PTPRA: variants seen among roughly 807,000 people sequenced by gnomAD.
The protein encoded by PTPRA is protein tyrosine phosphatase receptor type A.
In PTPRA, 25 loss-of-function variants were observed where a neutral mutation model predicts 104.8. The ratio of observed to expected loss-of-function variants is 0.24; its 90% confidence interval spans 0.17 to 0.33. PTPRA has a LOEUF of 0.33. PTPRA is among the 10% of genes least tolerant of loss of function. The probability of loss-of-function intolerance (pLI) is 1.00; values close to 1 mark genes in which losing one functional copy is unlikely to be tolerated. For missense variants in PTPRA, 765 were observed against 1,015.3 expected (o/e 0.75, Z 3.35); for synonymous variants, 323 against 368.9 (o/e 0.88, Z 1.43).
At chr20:2,915,727 C>T (rs1302690819) in intron 1 of PTPRA, among the ~76,000 whole-genome samples, 1 of 152,162 alleles carries the variant, frequency 6.6e-6, no homozygotes, top group Non-Finnish European at 1.5e-5. Flanking sequence ...GTGGCTCATG[C>T]CTGTAATCCT....
intron 2 of PTPRA, among the ~76,000 whole-genome samples, chr20:2,940,570 C>CT (rs1222239713): frequency 1.3e-5 from 2 of 151,732 alleles, no homozygotes; most frequent in Non-Finnish European, 2.9e-5. Flanking sequence ...ATAGGTTTTC[C>CT]TTTTTTTTGG....
chr20:3,013,419 A>AT (rs11475407), intron 11 of PTPRA, among the ~76,000 whole-genome samples: 2,398 of 144,826 alleles, frequency 0.017, 42 homozygotes, highest in African/African-American at 0.053. Context: ...AATATATAGG[A>AT]TTTTTTTTTT....
At chr20:2,939,149 T>G (rs2060812283) in intron 2 of PTPRA, among the ~76,000 whole-genome samples, 1 of 152,210 alleles carries the variant, frequency 6.6e-6, no homozygotes. Flanking sequence ...TAGGTGTTAT[T>G]CCGGAGCAGT....
rs199906526 is a variant in PTPRA, at chr20:3,022,207, G to A, written c.1315G>A (p.Val439Met). Residue 439 changes from valine to methionine, a missense_variant, in exon 15 of 24, where the codon GTG (valine) becomes ATG (methionine). By Grantham distance (21) the Val-to-Met change is conservative (BLOSUM62 1). Coordinates refer to ENST00000399903, the MANE Select transcript of PTPRA (RefSeq NM_001385305.1). The surrounding 1 kb of genome is among the most constrained non-coding windows in gnomAD (Gnocchi z 4.6). The stretch of plus-strand genomic sequence containing the variant: ...TAACCCTCAGTATGCAGGGGCCATC[G>A]TGGTCCACTGCAGGTCAGTGTGGCC... ...ACNPQYAGAIVVHCSAGVGRT... is the reference protein window; with the variant it reads ...ACNPQYAGAIMVHCSAGVGRT... 6.2e-6 allele frequency: 10 copies of A among 1,614,160 alleles called. No individual in the cohort carries two copies. The highest frequency in any genetic ancestry group is 4.5e-5 in the East Asian group (2 of 44,888).
intron 11 of PTPRA, among the ~76,000 whole-genome samples, chr20:3,014,723 T>C (rs1363797841): frequency 6.6e-6 from 1 of 152,196 alleles, no homozygotes; most frequent in East Asian, 1.9e-4. Flanking sequence ...GTAGTTCACA[T>C]TGCCACCCTG....
intron 20 of PTPRA, among the ~76,000 whole-genome samples, chr20:3,032,634 T>TGG (rs1181837120): frequency 4.6e-5 from 7 of 151,680 alleles, no homozygotes; most frequent in Non-Finnish European, 5.9e-5. Flanking sequence ...GGCGCGATGG[T>TGG]GCATGCCTGT....
chr20:2,919,699 G>C (rs986579254), intron 1 of PTPRA, among the ~76,000 whole-genome samples: 3 of 111,804 alleles, frequency 2.7e-5, no homozygotes, highest in Admixed American at 1.7e-4. Flanking sequence ...ACTCTCAGCT[G>C]GGGGAGGCCA....
upstream of PTPRA, among the ~76,000 whole-genome samples, chr20:2,872,856 G>A (rs2089463393): frequency 6.6e-6 from 1 of 152,234 alleles, no homozygotes; most frequent in South Asian, 2.1e-4. The surrounding 1 kb of genome is among the most constrained non-coding windows in gnomAD (Gnocchi z 7.9). Flanking sequence ...AGCACCATGT[G>A]TTGTGCTTCT....
rs561136657 is a variant in PTPRA at position 2,950,223 on chromosome 20, G to C, written c.-7+2199G>C. Among the ~76,000 whole-genome samples, 7 of 151,804 alleles carry C rather than the reference G, an allele frequency of 4.6e-5. No homozygotes were observed. The highest frequency in any genetic ancestry group is 1.7e-4 in the African/African-American group (7 of 41,380). On this transcript the variant is annotated intron_variant, in intron 3 of 23. Coordinates refer to ENST00000399903, the MANE Select transcript of PTPRA (RefSeq NM_001385305.1). This position sits in a 1 kb window ranked among gnomAD's most constrained non-coding sequence, Gnocchi z 4.0. ...ATATTCAGGTCTTTTGTTCTTCCTG[G>C]GCTAGTTTTTTATTCTTTTTCTAGA...
chr20:2,931,925 G>A (rs1054438445), intron 2 of PTPRA, among the ~76,000 whole-genome samples: 7 of 152,138 alleles, frequency 4.6e-5, no homozygotes, highest in Non-Finnish European at 2.9e-5. Context: ...GCTTTTCAAT[G>A]GAAGTCTGTT....
intron 2 of PTPRA, among the ~76,000 whole-genome samples, chr20:2,926,620 T>C (rs989142270): frequency 6.6e-6 from 1 of 152,098 alleles, no homozygotes; most frequent in African/African-American, 2.4e-5. Flanking sequence ...TCAGTCTGGG[T>C]GACAGAACAA....
rs1219728781 is a variant in PTPRA at position 2,950,254 on chromosome 20, G to A, written c.-7+2230G>A. 6.6e-6 allele frequency among the ~76,000 whole-genome samples: 1 copy of A among 151,926 alleles called. No homozygotes were observed. The highest frequency in any genetic ancestry group is 1.5e-5 in the Non-Finnish European group (1 of 67,990). On this transcript the variant is annotated intron_variant, in intron 3 of 23. Transcript: ENST00000399903. This position sits in a 1 kb window ranked among gnomAD's most constrained non-coding sequence, Gnocchi z 4.0. ...TTTTTTATTCTTTTTCTAGAGATTC[G>A]TTCATTTTTCTTAGTTTTATTTGCC...
intron 1 of PTPRA, among the ~76,000 whole-genome samples, chr20:2,874,007 C>CAT (rs982877304): frequency 6.6e-6 from 1 of 152,230 alleles, no homozygotes; most frequent in Non-Finnish European, 1.5e-5. Context: ...AGGAACTTTG[C>CAT]ATGCGTCCTT....
intron 9 of PTPRA, among the ~76,000 whole-genome samples, chr20:3,000,480 T>C (rs1425518659): frequency 6.6e-6 from 1 of 152,210 alleles, no homozygotes; most frequent in Non-Finnish European, 1.5e-5. Context: ...ACTACATTGC[T>C]GGTGGGAGTA....
At chr20:2,941,819 G>C (rs549421276) in intron 2 of PTPRA, among the ~76,000 whole-genome samples, 1 of 152,082 alleles carries the variant, frequency 6.6e-6, no homozygotes, top group Non-Finnish European at 1.5e-5. Flanking sequence ...CCTGATTCCT[G>C]TTCATCTTCT....
chr20:2,934,669 CTTTTTTTTTTTT>C (rs756152103), intron 2 of PTPRA, among the ~76,000 whole-genome samples: 1 of 127,204 alleles, frequency 7.9e-6, no homozygotes, highest in Non-Finnish European at 1.6e-5. Flanking sequence ...CAATTAGAAC[CTTTTTTTTTTTT>C]TTTTTTTTTG....
At chr20:2,994,035 G>A (rs1049564110) in intron 9 of PTPRA, among the ~76,000 whole-genome samples, 1 of 152,190 alleles carries the variant, frequency 6.6e-6, no homozygotes, top group African/African-American at 2.4e-5. Flanking sequence ...GCCTGCAAAG[G>A]CTCCGTTCTA....
At chr20:2,927,902 C>T (rs1198505849) in intron 2 of PTPRA, among the ~76,000 whole-genome samples, 3 of 151,594 alleles carry the variant, frequency 2.0e-5, no homozygotes, top group East Asian at 1.9e-4. Context: ...CCTAGCTAGT[C>T]GGGAGGCTGA....
In PTPRA at chr20:3,022,937, G is replaced by A. The variant is rs554115575; in HGVS notation, c.1464+113G>A. The stretch of plus-strand genomic sequence containing the variant: ...ATTGTAAATGATTACTATAGAGTGT[G>A]ATTGTGGGGGAAAGAAAGATAGATC... On this transcript the variant is annotated intron_variant, in intron 16 of 23. Transcript: ENST00000399903. The surrounding 1 kb of genome is among the most constrained non-coding windows in gnomAD (Gnocchi z 4.6). 2.0e-6 allele frequency: 3 copies of A among 1,474,702 alleles called. No individual in the cohort carries two copies. The East Asian group carries it at 7.3e-5, about 36-fold the overall frequency. The allele number at this position is 1,474,702 out of a possible 1,614,324, so 91.4% of individuals were successfully genotyped here.
Sources: allele counts gnomAD v4.1 joint callset (sites outside exome capture counted in the v4.1 genomes callset), GRCh38; gene constraint gnomAD v4.1.1; non-coding constraint Gnocchi (gnomAD v3.1); transcripts MANE v1.5; gene names NCBI Gene and HGNC (gene_info 2026-07-23, HGNC 2026-07-21).